The following ADK variants were observed in gnomAD, a reference collection of about 807,000 sequenced individuals.
ADK encodes the protein adenosine kinase.
In ADK, 24 loss-of-function variants were observed where a neutral mutation model predicts 44.7. The observed-to-expected ratio is 0.54, with a 90% CI of 0.39 to 0.76. The LOEUF (loss-of-function observed/expected upper bound fraction) is 0.76. ADK is among the 30% of genes least tolerant of loss of function. ADK has a pLI of 0.00. For synonymous variants in ADK, 128 were observed against 142.6 expected (o/e 0.90, Z 0.73); for missense variants, 321 against 425.1 (o/e 0.76, Z 2.15).
chr10:74,325,341 A>G (rs1453151052), intron 4 of ADK, among the ~76,000 whole-genome samples: 7 of 152,106 alleles, frequency 4.6e-5, no homozygotes, highest in Non-Finnish European at 7.4e-5. Flanking sequence ...TTTGTGTCCT[A>G]CAACTTTACT....
At chr10:74,457,555 A>G (rs763303680) in intron 6 of ADK, among the ~76,000 whole-genome samples, 13 of 152,254 alleles carry the variant, frequency 8.5e-5, no homozygotes, top group Non-Finnish European at 1.8e-4. Flanking sequence ...TGGTGCTATG[A>G]AGACACATGC....
chr10:74,393,491 G>C (rs1843409113), intron 4 of ADK, among the ~76,000 whole-genome samples: 1 of 152,070 alleles, frequency 6.6e-6, no homozygotes, highest in Non-Finnish European at 1.5e-5. Flanking sequence ...AATTTTTTTA[G>C]ATATGAGCAT....
intron 2 of ADK, among the ~76,000 whole-genome samples, chr10:74,203,582 A>T (rs1249796604): frequency 6.6e-6 from 1 of 151,720 alleles, no homozygotes; most frequent in Non-Finnish European, 1.5e-5. Flanking sequence ...CTGGTCTCAA[A>T]CTCAAGTCTG....
intron 3 of ADK, among the ~76,000 whole-genome samples, chr10:74,254,222 C>A (rs967614726): frequency 6.6e-6 from 1 of 152,158 alleles, no homozygotes; most frequent in Non-Finnish European, 1.5e-5. Flanking sequence ...ATAGATTAGG[C>A]AATTAATAAA....
chr10:74,619,035 TG>T (rs1852881600), intron 9 of ADK, among the ~76,000 whole-genome samples: 1 of 151,292 alleles, frequency 6.6e-6, no homozygotes, highest in Non-Finnish European at 1.5e-5. Flanking sequence ...TGTGTGTGTG[TG>T]TGTGTGTGTG....
intron 1 of ADK, among the ~76,000 whole-genome samples, chr10:74,169,995 A>T (rs1211445692): frequency 6.6e-6 from 1 of 152,234 alleles, no homozygotes; most frequent in Admixed American, 6.5e-5. Context: ...CAGGATTCGA[A>T]TCCCTTCTCA....
intron 7 of ADK, among the ~76,000 whole-genome samples, chr10:74,526,210 T>A (rs1369322199): frequency 6.6e-6 from 1 of 152,070 alleles, no homozygotes; most frequent in East Asian, 1.9e-4. Context: ...TTTTAAAATA[T>A]TGTCTGTTAT....
At chr10:74,377,331 C>T (rs180678394) in intron 4 of ADK, among the ~76,000 whole-genome samples, 28 of 152,238 alleles carry the variant, frequency 1.8e-4, no homozygotes, top group African/African-American at 6.7e-4. Flanking sequence ...ATTTCAAAGA[C>T]GATGGGTGAG....
intron 1 of ADK, among the ~76,000 whole-genome samples, chr10:74,152,329 C>G (rs887890298): frequency 2.0e-5 from 3 of 152,230 alleles, no homozygotes; most frequent in Admixed American, 6.5e-5. Flanking sequence ...TGTATTCCTA[C>G]TACCCTCAAA....
chr10:74,355,713 C>T lies in ADK; in HGVS notation c.274-38428C>T, dbSNP rs555908547. 5.3e-5 allele frequency among the ~76,000 whole-genome samples: 8 copies of T among 152,212 alleles called. No individual in the cohort carries two copies. In the South Asian group the frequency reaches 1.7e-3, roughly 32 times the overall value. ...TCCTGTTGTTATTTATTTCTATTATCTTGTTTACAGTTGAAATTTGGACAA... is the reference window on the plus strand; with the variant it reads ...TCCTGTTGTTATTTATTTCTATTATTTTGTTTACAGTTGAAATTTGGACAA... On this transcript the variant is annotated intron_variant, in intron 4 of 10. Transcript: ENST00000539909.
At chr10:74,156,815 C>T (rs542752731) in intron 1 of ADK, among the ~76,000 whole-genome samples, 64 of 151,706 alleles carry the variant, frequency 4.2e-4, no homozygotes, top group African/African-American at 1.4e-3. Context: ...AGTAATAGTA[C>T]GAACCTCATA....
At chr10:74,507,908 A>G (rs559979112) in intron 6 of ADK, among the ~76,000 whole-genome samples, 1 of 152,308 alleles carries the variant, frequency 6.6e-6, no homozygotes, top group African/African-American at 2.4e-5. Context: ...GGAATGAAGA[A>G]AGAATTTGTT....
At chr10:74,632,909 T>C (rs752393667) in intron 9 of ADK, among the ~76,000 whole-genome samples, 3 of 152,226 alleles carry the variant, frequency 2.0e-5, no homozygotes, top group Admixed American at 6.5e-5. Context: ...AAAAGTGGCA[T>C]ACTGTTGATA....
chr10:74,548,333 A>G (rs1849911307), intron 7 of ADK, among the ~76,000 whole-genome samples: 1 of 152,192 alleles, frequency 6.6e-6, no homozygotes, highest in African/African-American at 2.4e-5. Context: ...CAAAAATCCT[A>G]CAGAAGAGGA....
intron 3 of ADK, among the ~76,000 whole-genome samples, chr10:74,229,667 G>A (rs1465160935): frequency 6.6e-6 from 1 of 152,110 alleles, no homozygotes; most frequent in Non-Finnish European, 1.5e-5. Flanking sequence ...AAAGTGCTGG[G>A]ATTACGGGCG....
In ADK at chr10:74,354,631, G is replaced by A. The variant is rs991132870; in HGVS notation, c.274-39510G>A. The stretch of plus-strand genomic sequence containing the variant: ...GATGATAGAAACAGTCATAACCAGC[G>A]ACCACCAGGTTTGGTGGGAACTCAT... On this transcript the variant is annotated intron_variant, in intron 4 of 10. Transcript: ENST00000539909. Among the ~76,000 whole-genome samples the A allele has an allele frequency of 5.9e-5, 9 of 152,158 alleles. No homozygotes were observed. In the South Asian group the frequency reaches 1.9e-3, roughly 32 times the overall value.
At chr10:74,510,908 A>G (rs1353777377) in intron 6 of ADK, among the ~76,000 whole-genome samples, 1 of 152,108 alleles carries the variant, frequency 6.6e-6, no homozygotes, top group Non-Finnish European at 1.5e-5. Context: ...GGGTTTCACC[A>G]TGTTGTCGAG....
intron 9 of ADK, among the ~76,000 whole-genome samples, chr10:74,639,929 GA>G (rs1853781847): frequency 6.6e-6 from 1 of 152,152 alleles, no homozygotes; most frequent in Non-Finnish European, 1.5e-5. Flanking sequence ...AGATGATTTA[GA>G]TACTCTGTAT....
At chr10:74,201,573 C>CT (rs1361108667) in intron 2 of ADK, among the ~76,000 whole-genome samples, 1 of 151,894 alleles carries the variant, frequency 6.6e-6, no homozygotes, top group African/African-American at 2.4e-5. Context: ...ATAAATGAAA[C>CT]TTTATCATAG....
Sources: allele counts gnomAD v4.1 joint callset (sites outside exome capture counted in the v4.1 genomes callset), GRCh38; gene constraint gnomAD v4.1.1; transcripts MANE v1.5; gene names NCBI Gene and HGNC (gene_info 2026-07-23, HGNC 2026-07-21).